HECW2: variants seen among roughly 807,000 people sequenced by gnomAD.
HECW2 encodes HECT, C2 and WW domain containing E3 ubiquitin protein ligase 2, also known as E3 ubiquitin-protein ligase HECW2.
In HECW2, 61 loss-of-function variants were observed where a neutral mutation model predicts 175.2. That is an observed-to-expected ratio of 0.35 (90% confidence interval 0.28 to 0.43). HECW2 has a LOEUF of 0.43. Among genes scored for constraint, HECW2 ranks in the 20% least tolerant of loss-of-function variants. The pLI is 1.00. For synonymous variants in HECW2, 671 were observed against 731.0 expected (o/e 0.92, Z 1.32); for missense variants, 1,524 against 2,000.5 (o/e 0.76, Z 4.54).
chr2:196,207,063 G>A (rs189825426), intron 28 of HECW2, among the ~76,000 whole-genome samples: 17 of 152,330 alleles, frequency 1.1e-4, no homozygotes, highest in Admixed American at 1.1e-3. Flanking sequence ...AAACCTGAGA[G>A]GGGCAAGCGC....
chr2:196,445,520 A>AT (rs952581576), intron 1 of HECW2, among the ~76,000 whole-genome samples: 3 of 152,324 alleles, frequency 2.0e-5, no homozygotes, highest in East Asian at 1.9e-4. Context: ...ACTAAAAAGG[A>AT]TTTTTTGAGT....
At chr2:196,287,653 G>C (rs1334684949) in intron 14 of HECW2, among the ~76,000 whole-genome samples, 1 of 152,078 alleles carries the variant, frequency 6.6e-6, no homozygotes. Flanking sequence ...TCATCTTGTA[G>C]CATTCTCTCA....
chr2:196,267,440 A>T (rs1689559503), intron 17 of HECW2, among the ~76,000 whole-genome samples: 2 of 152,176 alleles, frequency 1.3e-5, no homozygotes, highest in Admixed American at 1.3e-4. Context: ...AGCATATAAT[A>T]ATGCCATGGG....
At chr2:196,367,931 T>C (rs1030661705) in intron 2 of HECW2, among the ~76,000 whole-genome samples, 1 of 151,526 alleles carries the variant, frequency 6.6e-6, no homozygotes, top group African/African-American at 2.4e-5. Flanking sequence ...GATACATAGA[T>C]ACATATATAT....
At chr2:196,291,829 A>G (rs1690613881) in intron 14 of HECW2, 1 of 152,252 alleles carries the variant, frequency 6.6e-6, no homozygotes, top group South Asian at 2.1e-4. Context: ...AAGAGCTTAA[A>G]CAGTTCATGG....
intron 22 of HECW2, among the ~76,000 whole-genome samples, chr2:196,227,388 G>C (rs1215719710): frequency 6.6e-6 from 1 of 152,222 alleles, no homozygotes; most frequent in Non-Finnish European, 1.5e-5. Flanking sequence ...TTTGGAAAGA[G>C]TGCAATTTGG....
chr2:196,587,632 A>C (rs1691031335), intron 1 of HECW2, among the ~76,000 whole-genome samples: 1 of 152,236 alleles, frequency 6.6e-6, no homozygotes, highest in South Asian at 2.1e-4. Flanking sequence ...AAAAACAAAA[A>C]ATATTCTTTT....
intron 1 of HECW2, among the ~76,000 whole-genome samples, chr2:196,544,039 C>T (rs1689318920): frequency 6.6e-6 from 1 of 152,204 alleles, no homozygotes; most frequent in South Asian, 2.1e-4. Flanking sequence ...CAGGACTCTG[C>T]TAGGTAAAGG....
At chr2:196,385,807 T>G (rs973177475) in intron 2 of HECW2, among the ~76,000 whole-genome samples, 7 of 148,220 alleles carry the variant, frequency 4.7e-5, no homozygotes, top group Non-Finnish European at 8.8e-5. Context: ...ATGGGTTTTG[T>G]TTTTTTTCCT....
At chr2:196,557,171 G>A (rs750411167) in intron 1 of HECW2, among the ~76,000 whole-genome samples, 9 of 152,114 alleles carry the variant, frequency 5.9e-5, no homozygotes, top group East Asian at 1.9e-4. Context: ...CGAGGTGGGC[G>A]GATCACCTGA....
chr2:196,270,357 A>G (rs540233590), intron 17 of HECW2, among the ~76,000 whole-genome samples: 12 of 152,202 alleles, frequency 7.9e-5, no homozygotes, highest in Non-Finnish European at 1.5e-4. Flanking sequence ...GGGGAACAGC[A>G]TGTATTCAGG....
At chr2:196,462,370 T>A (rs1696781576) in intron 1 of HECW2, among the ~76,000 whole-genome samples, 1 of 152,202 alleles carries the variant, frequency 6.6e-6, no homozygotes, top group African/African-American at 2.4e-5. Flanking sequence ...TCATAGACTT[T>A]GAATTCTACT....
chr2:196,455,411 CTGATT>C (rs1696476896), intron 1 of HECW2, among the ~76,000 whole-genome samples: 2 of 152,206 alleles, frequency 1.3e-5, no homozygotes, highest in South Asian at 2.1e-4. Context: ...CTATATCTTC[CTGATT>C]TATTTTTCTG....
chr2:196,220,294 C>A, intron 25 of HECW2, 141 bp from the exon 26 acceptor site: 1 of 627,454 alleles, frequency 1.6e-6, no homozygotes. Context: ...ACCTGTAAAG[C>A]TCCCTACAAA....
At chr2:196,209,955 G>A (rs911592464) in intron 28 of HECW2, among the ~76,000 whole-genome samples, 17 of 152,094 alleles carry the variant, frequency 1.1e-4, no homozygotes, top group Non-Finnish European at 2.2e-4. Context: ...AGTAGAGACG[G>A]GGTTTCACCA....
At chr2:196,204,143 T>C (rs1686976775) in intron 28 of HECW2, among the ~76,000 whole-genome samples, 1 of 152,230 alleles carries the variant, frequency 6.6e-6, no homozygotes, top group Admixed American at 6.5e-5. Context: ...GTTTGGCTAT[T>C]GTAAATAATG....
At chr2:196,429,019 TG>T (rs769205434) in intron 2 of HECW2, among the ~76,000 whole-genome samples, 2 of 152,210 alleles carry the variant, frequency 1.3e-5, no homozygotes, top group Non-Finnish European at 2.9e-5. Context: ...GATTGCTACA[TG>T]GATGCAACAG....
At chr2:196,450,909 A>C (rs1225515338) in intron 1 of HECW2, among the ~76,000 whole-genome samples, 3 of 152,198 alleles carry the variant, frequency 2.0e-5, no homozygotes, top group Non-Finnish European at 2.9e-5. Flanking sequence ...AACTGACACT[A>C]TCTCTCCAAG....
chr2:196,305,930 C>T (rs1272734042), intron 13 of HECW2, among the ~76,000 whole-genome samples: 2 of 152,158 alleles, frequency 1.3e-5, no homozygotes, highest in Admixed American at 1.3e-4. Context: ...GCCACTCCCT[C>T]AGCCCTCGGA....
Sources: gnomAD v4.1 joint callset for allele counts (sites outside exome capture counted in the v4.1 genomes callset) on GRCh38, gnomAD v4.1.1 for gene constraint, MANE v1.5 for transcripts, NCBI Gene and HGNC (gene_info 2026-07-23, HGNC 2026-07-21) for gene names.